DENND4C: variants seen among roughly 807,000 people sequenced by gnomAD.
The protein encoded by DENND4C is DENN domain-containing protein 4C.
Under a neutral mutation model 203.0 loss-of-function variants are expected in DENND4C, and 108 were observed. That is an observed-to-expected ratio of 0.53 (90% CI 0.46 to 0.62). DENND4C has a LOEUF of 0.62. Among genes scored for constraint, DENND4C ranks in the 20% least tolerant of loss-of-function variants. The pLI, the probability that DENND4C is intolerant of heterozygous loss-of-function variation, is 0.00. For missense variants in DENND4C, 2,481 were observed against 2,301.2 expected, an observed-to-expected ratio of 1.08 and a Z score of -1.60; for synonymous variants, 871 against 792.4, an observed-to-expected ratio of 1.10 and a Z score of -1.67.
chr9:19,273,584 G>A (rs1306442500), intron 1 of DENND4C, among the ~76,000 whole-genome samples: 1 of 151,894 alleles, frequency 6.6e-6, no homozygotes, highest in Non-Finnish European at 1.5e-5. Context: ...CAAAACTCAT[G>A]AGAAAACAAC....
chr9:19,331,864 C>A, intron 16 of DENND4C, 114 bp from the exon 17 acceptor site: 2 of 971,186 alleles, frequency 2.1e-6, no homozygotes, highest in Non-Finnish European at 1.5e-6. Flanking sequence ...CTTTGAAGTG[C>A]TTGATTTTAG....
intron 2 of DENND4C, among the ~76,000 whole-genome samples, chr9:19,280,550 T>C (rs962849172): frequency 5.3e-5 from 8 of 152,094 alleles, no homozygotes; most frequent in Non-Finnish European, 1.2e-4. Context: ...TTCTGTTTTT[T>C]TTTCTCTATG....
At chr9:19,324,999 G>A (rs1479926544) in intron 13 of DENND4C, among the ~76,000 whole-genome samples, 2 of 152,110 alleles carry the variant, frequency 1.3e-5, no homozygotes, top group Non-Finnish European at 2.9e-5. Flanking sequence ...ATTGCAGGAT[G>A]AGCCGCCATG....
intron 28 of DENND4C, among the ~76,000 whole-genome samples, chr9:19,359,325 C>G (rs1361961136): frequency 6.6e-5 from 10 of 151,762 alleles, no homozygotes; most frequent in Non-Finnish European, 1.3e-4. Flanking sequence ...AAGTGATCCT[C>G]CTGCTTCAGC....
chr9:19,301,145 T>C (rs1672566249), intron 9 of DENND4C, among the ~76,000 whole-genome samples: 1 of 149,504 alleles, frequency 6.7e-6, no homozygotes, highest in South Asian at 2.1e-4. Context: ...ACCATTGCAC[T>C]CCAGCCTGGG....
intron 1 of DENND4C, among the ~76,000 whole-genome samples, chr9:19,255,505 A>G (rs1827725030): frequency 2.0e-5 from 3 of 152,238 alleles, no homozygotes; most frequent in Admixed American, 2.0e-4. Flanking sequence ...TATTTTAGGT[A>G]AATCTAAAGG....
At chr9:19,299,144 T>C in intron 7 of DENND4C, 85 bp from the exon 8 acceptor site, 2 of 963,982 alleles carry the variant, frequency 2.1e-6, no homozygotes, top group Non-Finnish European at 3.1e-6. Context: ...GATCTAAATA[T>C]ATAGATTTCA....
chr9:19,352,254 G>T (rs1341156764), intron 25 of DENND4C, 72 bp downstream of exon 25: 8 of 1,402,434 alleles, frequency 5.7e-6, no homozygotes, highest in Non-Finnish European at 8.0e-6. Flanking sequence ...GCATTTAACA[G>T]GATTCTAAGA....
intron 10 of DENND4C, among the ~76,000 whole-genome samples, chr9:19,314,819 C>T (rs1402114447): frequency 6.6e-6 from 1 of 152,078 alleles, no homozygotes; most frequent in South Asian, 2.1e-4. Flanking sequence ...GAAACCTAAG[C>T]AATTCACTGA....
intron 30 of DENND4C, among the ~76,000 whole-genome samples, chr9:19,365,834 C>A: frequency 6.6e-6 from 1 of 151,704 alleles, no homozygotes; most frequent in African/African-American, 2.4e-5. Flanking sequence ...TTTATAATAG[C>A]ATTAGAACAA....
intron 1 of DENND4C, among the ~76,000 whole-genome samples, chr9:19,231,293 G>C (rs1291928610): frequency 6.6e-6 from 1 of 152,114 alleles, no homozygotes; most frequent in South Asian, 2.1e-4. Flanking sequence ...GAGAGGAGTC[G>C]GGGGACTGAG....
chr9:19,369,910 G>C lies in DENND4C; in HGVS notation c.5598G>C (p.Gln1866His), dbSNP rs146529932. 51 of 1,613,884 alleles carry C rather than the reference G, an allele frequency of 3.2e-5. No individual in the cohort carries two copies. In the African/African-American group the frequency reaches 6.4e-4, roughly 20 times the overall value. The change falls in exon 31 of 33, where the codon CAG becomes CAC. Residue 1866 changes from glutamine (Q) to histidine (H), a missense_variant. Transcript: ENST00000434457. ...GCACTTTAGTAGAAACCATCAGGCA[G>C]AGTATTCAGCACAATAATGTTCTTA... ...ETSTLVETIR[Q>H]SIQHNNVLKP...
At chr9:19,231,475 G>C (rs990773037) in intron 1 of DENND4C, among the ~76,000 whole-genome samples, 1 of 152,062 alleles carries the variant, frequency 6.6e-6, no homozygotes, top group Non-Finnish European at 1.5e-5. Flanking sequence ...CAAAACCAAG[G>C]AATGAAGTCC....
At chr9:19,251,012 C>T (rs867391799) in intron 1 of DENND4C, among the ~76,000 whole-genome samples, 20 of 152,326 alleles carry the variant, frequency 1.3e-4, no homozygotes, top group East Asian at 3.9e-4. Flanking sequence ...CTCACAGCTC[C>T]GCTAGGCAGC....
At chr9:19,365,386 G>A (rs1315134319) in intron 30 of DENND4C, among the ~76,000 whole-genome samples, 1 of 152,082 alleles carries the variant, frequency 6.6e-6, no homozygotes, top group African/African-American at 2.4e-5. Context: ...TGGGAATAGA[G>A]AAGATCTTCC....
At chr9:19,311,172 G>C (rs1359956771) in intron 10 of DENND4C, among the ~76,000 whole-genome samples, 2 of 152,098 alleles carry the variant, frequency 1.3e-5, no homozygotes, top group Admixed American at 6.5e-5. Context: ...CACGCTGGAT[G>C]GAGTAGAGTG....
chr9:19,264,334 C>T (rs1051737026), intron 1 of DENND4C, among the ~76,000 whole-genome samples: 1 of 151,982 alleles, frequency 6.6e-6, no homozygotes, highest in Non-Finnish European at 1.5e-5. Context: ...GAGTCTCACC[C>T]TGTTATCCAG....
chr9:19,331,995 T>C lies in DENND4C; in HGVS notation c.2271T>C (p.His757=), dbSNP rs559849262. ...KRTKQEIKTA[H]KLAKRCYTNP... is the part of the protein sequence containing the mutation. ...CTTTCTAGGAAATAAAAACAGCTCA[T>C]AAATTGGCGAAGAGATGTTATACAA... The change falls in exon 17 of 33, where the codon CAT becomes CAC. Residue 757 remains histidine (H), a synonymous_variant. Transcript: ENST00000434457. 2 of 1,613,730 alleles carry C rather than the reference T, an allele frequency of 1.2e-6. No individual in the cohort carries two copies. The highest frequency in any genetic ancestry group is 2.7e-5 in the African/African-American group (2 of 75,034).
intron 1 of DENND4C, among the ~76,000 whole-genome samples, chr9:19,256,758 A>G (rs1425838351): frequency 6.6e-6 from 1 of 152,178 alleles, no homozygotes; most frequent in Non-Finnish European, 1.5e-5. Flanking sequence ...TTGGGCAAAG[A>G]AAATATTTTT....
Sources: gnomAD v4.1 joint callset for allele counts (sites outside exome capture counted in the v4.1 genomes callset) on GRCh38, gnomAD v4.1.1 for gene constraint, MANE v1.5 for transcripts, NCBI Gene and HGNC (gene_info 2026-07-23, HGNC 2026-07-21) for gene names.